The following GAD1 variants were observed in gnomAD, a reference collection of about 807,000 sequenced individuals.
GAD1 encodes the protein 67 kDa glutamic acid decarboxylase.
A neutral mutation model predicts 75.2 loss-of-function variants in GAD1; 35 were observed. That is an observed-to-expected ratio of 0.47 (90% CI 0.36 to 0.62). The LOEUF (loss-of-function observed/expected upper bound fraction) is 0.62, where lower values mean the gene tolerates loss of function less well. Among genes scored for constraint, GAD1 ranks in the 20% least tolerant of loss-of-function variants. The pLI, the probability that GAD1 is intolerant of heterozygous loss-of-function variation, is 0.00. For synonymous variants in GAD1, 257 were observed against 271.9 expected (o/e 0.95, Z 0.54); for missense variants, 490 against 758.5 (o/e 0.65, Z 4.16).
chr2:170,845,618 A>T lies in GAD1; in HGVS notation c.864A>T (p.Glu288Asp). The change falls in exon 8 of 17, where the codon GAA becomes GAT. Residue 288 changes from glutamate (E) to aspartate (D), a missense_variant. Glu to Asp is a conservative substitution (Grantham distance 45). This residue lies in a region of GAD1 where 324 missense variants were observed against 523.9 expected (regional missense o/e 0.62). Transcript: ENST00000358196. ...AVPKLVLFTS[E>D]QSHYSIKKAG... ...CTAAACTGGTCCTCTTCACCTCAGA[A>T]CAGGTGAGTCGGGGATGCTTTCTCA... is the stretch of plus-strand genomic sequence containing the variant. The T allele has an allele frequency of 6.2e-7, 1 of 1,613,158 alleles. No homozygotes were observed. The highest frequency in any genetic ancestry group is 8.5e-7 in the Non-Finnish European group (1 of 1,179,132).
chr2:170,844,679 A>G (rs960321187), intron 7 of GAD1, among the ~76,000 whole-genome samples: 1 of 152,196 alleles, frequency 6.6e-6, no homozygotes, highest in Non-Finnish European at 1.5e-5. Flanking sequence ...ATTATTAATT[A>G]ATTGATTGAT....
chr2:170,833,113 CTTCT>C (rs1702284180), intron 5 of GAD1, among the ~76,000 whole-genome samples: 1 of 152,348 alleles, frequency 6.6e-6, no homozygotes, highest in Non-Finnish European at 1.5e-5. Context: ...TTTGTCTCTC[CTTCT>C]TTATTTTCCC....
intron 2 of GAD1, 65 bp from the exon 3 acceptor site, chr2:170,822,022 C>T: frequency 7.5e-7 from 1 of 1,325,918 alleles, no homozygotes; most frequent in Non-Finnish European, 1.1e-6. Context: ...AACCATTGTC[C>T]TCCACCCATT....
At chr2:170,831,594 A>ATG (rs370649454) in intron 5 of GAD1, among the ~76,000 whole-genome samples, 13,446 of 122,668 alleles carry the variant, frequency 0.11, 723 homozygotes, top group Admixed American at 0.12. Flanking sequence ...GTCTCTACAT[A>ATG]TGTGTGTGTG....
At chr2:170,833,709 G>A (rs1372243624) in intron 5 of GAD1, among the ~76,000 whole-genome samples, 1 of 152,204 alleles carries the variant, frequency 6.6e-6, no homozygotes. Flanking sequence ...GCATCTTGTG[G>A]TCAGAGAAAG....
intron 7 of GAD1, 79 bp downstream of exon 7, chr2:170,844,236 T>G: frequency 2.3e-6 from 2 of 856,826 alleles, no homozygotes; most frequent in Non-Finnish European, 4.0e-6. Context: ...TATGGAAGAA[T>G]AATGCCTTAA....
chr2:170,852,721 T>C lies in GAD1; in HGVS notation c.1192T>C (p.Ser398Pro). 1 of 1,614,162 alleles carries C rather than the reference T, an allele frequency of 6.2e-7. No individual in the cohort carries two copies. Among genetic ancestry groups the C allele is most frequent in the Non-Finnish European group, 8.5e-7 (1 of 1,179,998 alleles). Residue 398 changes from serine (S) to proline (P), a missense_variant, in exon 13 of 17, where the codon TCA becomes CCA. Physicochemically the swap from Ser to Pro is moderately conservative, Grantham distance 74 (BLOSUM62 -1). Coordinates refer to ENST00000358196, the MANE Select transcript of GAD1 (RefSeq NM_000817.3). ...CTCATGTGCTTCTTTCAGGGCCAAC[T>C]CAGTCACCTGGAACCCTCACAAGAT... ...HKLNGIERAN[S>P]VTWNPHKMMG... is the part of the protein sequence containing the mutation.
At chr2:170,854,325 T>C (rs1466325186) in intron 14 of GAD1, among the ~76,000 whole-genome samples, 1 of 152,040 alleles carries the variant, frequency 6.6e-6, no homozygotes, top group African/African-American at 2.4e-5. Context: ...ATGCTGGAAT[T>C]ATTTAGTGCA....
At chr2:170,834,010 A>G (rs1462780857) in intron 5 of GAD1, among the ~76,000 whole-genome samples, 1 of 151,926 alleles carries the variant, frequency 6.6e-6, no homozygotes, top group Non-Finnish European at 1.5e-5. Flanking sequence ...CAAAAAAAAA[A>G]AAAGAGAGAG....
intron 12 of GAD1, among the ~76,000 whole-genome samples, chr2:170,852,003 A>G (rs1463497621): frequency 6.6e-6 from 1 of 152,194 alleles, no homozygotes; most frequent in Admixed American, 6.5e-5. Flanking sequence ...TCACCAGCCT[A>G]TAAATGAGAA....
At position 170,837,796 on chromosome 2, in the gene GAD1, C is replaced by T. The variant is rs189518696; in HGVS notation, c.638+913C>T. ...TGTGGAAATATTCAGAAAATAGCCACTCACTTTTTAAGTTCATAGAAAAGT... is the reference window on the plus strand; with the variant it reads ...TGTGGAAATATTCAGAAAATAGCCATTCACTTTTTAAGTTCATAGAAAAGT... On this transcript the variant is annotated intron_variant, in intron 6 of 16. Coordinates refer to ENST00000358196, the MANE Select transcript of GAD1 (RefSeq NM_000817.3). 9.8e-4 allele frequency among the ~76,000 whole-genome samples: 149 copies of T among 152,316 alleles called. 1 individual carries two copies. Among genetic ancestry groups the T allele is most frequent in the African/African-American group, 3.0e-3 (125 of 41,572 alleles).
chr2:170,820,457 A>T (rs1701843009), intron 2 of GAD1, among the ~76,000 whole-genome samples: 2 of 152,212 alleles, frequency 1.3e-5, no homozygotes, highest in South Asian at 4.1e-4. Flanking sequence ...CAGGCTTCAA[A>T]GGCGCGCTGG....
At chr2:170,815,150 G>A (rs1391803511), upstream of GAD1, among the ~76,000 whole-genome samples, 1 of 152,150 alleles carries the variant, frequency 6.6e-6, no homozygotes, top group Non-Finnish European at 1.5e-5. Context: ...AGCTTCACCT[G>A]GTTGTATGCC....
At chr2:170,846,150 A>C (rs1302770370) in intron 10 of GAD1, 87 bp downstream of exon 10, 5 of 1,087,836 alleles carry the variant, frequency 4.6e-6, no homozygotes, top group Admixed American at 1.9e-5. Context: ...AATATGAGAC[A>C]ATTTTCTTGT....
At chr2:170,831,556 A>G (rs1185425945) in intron 5 of GAD1, among the ~76,000 whole-genome samples, 1 of 149,464 alleles carries the variant, frequency 6.7e-6, no homozygotes, top group Non-Finnish European at 1.5e-5. Flanking sequence ...GGAGTTCGAG[A>G]CCAGCCTGGG....
At position 170,844,219 on chromosome 2, in the gene GAD1, GT is replaced by G. The variant is rs1415425154; in HGVS notation, c.751+63del. ...GATTCTTAAGAATACAAAATATGAAGTAGGTTTATGGAAGAATAATGCCTTA... is the reference window on the plus strand; with the variant it reads ...GATTCTTAAGAATACAAAATATGAAGAGGTTTATGGAAGAATAATGCCTTA... On this transcript the variant is annotated intron_variant, in intron 7 of 16. Transcript: ENST00000358196. 3.1e-5 allele frequency: 30 copies of G among 963,980 alleles called. No homozygotes were observed. In the East Asian group the frequency reaches 7.4e-4, roughly 24 times the overall value. The allele number at this position is 963,980 out of a possible 1,614,324, so 59.7% of individuals were successfully genotyped here.
upstream of GAD1, among the ~76,000 whole-genome samples, chr2:170,814,619 A>C (rs1349278327): frequency 1.3e-5 from 2 of 152,268 alleles, no homozygotes; most frequent in Middle Eastern, 3.2e-3. Flanking sequence ...TGCTTGGCAC[A>C]TAGTAGGGGA....
intron 4 of GAD1, chr2:170,829,857 G>A: frequency 1.8e-6 from 1 of 554,922 alleles, no homozygotes; most frequent in East Asian, 3.2e-5. Context: ...GTCAATAAAA[G>A]TCAACTCTAA....
At chr2:170,821,513 GC>G (rs1231907867) in intron 2 of GAD1, among the ~76,000 whole-genome samples, 1 of 152,188 alleles carries the variant, frequency 6.6e-6, no homozygotes. Context: ...CTGAAGAGCA[GC>G]CATGCGAGCC....
Sources: gnomAD v4.1 joint callset for allele counts (sites outside exome capture counted in the v4.1 genomes callset) on GRCh38, gnomAD v4.1.1 for gene constraint, gnomAD v4.1.1 regional missense constraint, MANE v1.5 for transcripts, NCBI Gene and HGNC (gene_info 2026-07-23, HGNC 2026-07-21) for gene names.